MYT1L: variants seen among roughly 807,000 people sequenced by gnomAD.
MYT1L encodes the protein myelin transcription factor 1 like, also known as myelin transcription factor 1-like protein.
MYT1L carries 12 observed loss-of-function variants against 126.7 expected under a neutral mutation model. The ratio of observed to expected loss-of-function variants is 0.09; its 90% CI spans 0.06 to 0.15. MYT1L has a LOEUF of 0.15. Among genes scored for constraint, MYT1L ranks in the 10% least tolerant of loss-of-function variants. MYT1L has a pLI of 1.00. For missense variants in MYT1L, 979 were observed against 1,585.2 expected (o/e 0.62, Z 6.49); for synonymous variants, 541 against 604.2 (o/e 0.90, Z 1.53).
rs1202079143 is a variant in MYT1L, at chr2:2,330,281, T to C, written c.-521+686A>G. Among the ~76,000 whole-genome samples the C allele has an allele frequency of 3.3e-5, 5 of 152,108 alleles. 1 individual carries two copies. Reference sequence around the variant, plus strand: ...TTGATGGTACAAGAAATTGTCATGGTTAATACTAAATTCAAAATCTGTTCT... The same window carrying C: ...TTGATGGTACAAGAAATTGTCATGGCTAATACTAAATTCAAAATCTGTTCT... On this transcript the variant is annotated intron_variant, in intron 1 of 24. Transcript: ENST00000647738.
At chr2:1,844,368 T>C (rs1207906950) in intron 19 of MYT1L, among the ~76,000 whole-genome samples, 1 of 152,154 alleles carries the variant, frequency 6.6e-6, no homozygotes, top group Non-Finnish European at 1.5e-5. Flanking sequence ...ACCCACCAAC[T>C]AAGCACTAGA....
intron 18 of MYT1L, among the ~76,000 whole-genome samples, chr2:1,854,577 C>G (rs2043674315): frequency 6.6e-6 from 1 of 152,158 alleles, no homozygotes; most frequent in African/African-American, 2.4e-5. Flanking sequence ...CCTTTTTCAT[C>G]ATGAAAACAA....
intron 3 of MYT1L, among the ~76,000 whole-genome samples, chr2:2,089,985 C>T (rs2076746724): frequency 6.6e-6 from 1 of 152,208 alleles, no homozygotes; most frequent in African/African-American, 2.4e-5. Flanking sequence ...TTAAATGAGA[C>T]AGGTGGGATA....
intron 2 of MYT1L, among the ~76,000 whole-genome samples, chr2:2,185,200 A>C (rs561728489): frequency 6.6e-6 from 1 of 152,224 alleles, no homozygotes; most frequent in Non-Finnish European, 1.5e-5. Context: ...CCTAGACTTA[A>C]AAATAATAAT....
intron 2 of MYT1L, among the ~76,000 whole-genome samples, chr2:2,213,360 C>T (rs58275964): frequency 0.13 from 20,372 of 152,096 alleles, 1,387 homozygotes; most frequent in Non-Finnish European, 0.15. Context: ...TAGCTAGAGG[C>T]TTCAGGACAG....
intron 18 of MYT1L, among the ~76,000 whole-genome samples, chr2:1,871,141 G>T (rs922158507): frequency 6.6e-6 from 1 of 152,360 alleles, no homozygotes; most frequent in Non-Finnish European, 1.5e-5. Context: ...CTGGTTTCCA[G>T]AGTCTGCTAA....
intron 2 of MYT1L, among the ~76,000 whole-genome samples, chr2:2,263,727 C>T (rs536302365): frequency 6.6e-6 from 1 of 152,256 alleles, no homozygotes; most frequent in South Asian, 2.1e-4. Context: ...CACGACTAGA[C>T]CTTTCAGGAT....
intron 8 of MYT1L, among the ~76,000 whole-genome samples, chr2:1,962,733 G>C (rs1462537234): frequency 6.6e-6 from 1 of 152,178 alleles, no homozygotes; most frequent in Admixed American, 6.5e-5. Context: ...AATGTTCACA[G>C]CATCTTCACC....
Position 1,979,547 on chromosome 2 carries a change from C to G in MYT1L, c.63G>C (p.Val21=). 7 of 1,613,684 alleles carry G rather than the reference C, an allele frequency of 4.3e-6. No homozygotes were observed. Among genetic ancestry groups the G allele is most frequent in the Non-Finnish European group, 5.9e-6 (7 of 1,179,672 alleles). Reference sequence around the variant, plus strand: ...TGAACAGCTCTTGTATGGCTGGTTCCACGGGAACTGCAGAGAGATGGAAAT... The same window carrying G: ...TGAACAGCTCTTGTATGGCTGGTTCGACGGGAACTGCAGAGAGATGGAAAT... ...RTRSKGVRVP[V]EPAIQELFSC... The change falls in exon 7 of 25, where the codon GTG becomes GTC. Residue 21 remains valine, a synonymous_variant. Transcript: ENST00000647738. This position sits in a 1 kb window ranked among gnomAD's most constrained non-coding sequence, Gnocchi z 4.0.
intron 2 of MYT1L, among the ~76,000 whole-genome samples, chr2:2,236,808 C>G (rs1160199372): frequency 1.5e-4 from 1 of 6,576 alleles, no homozygotes. Context: ...TCTTCTTCTT[C>G]TTCTTCTTTT....
chr2:2,275,221 T>A (rs1159822572), intron 2 of MYT1L, among the ~76,000 whole-genome samples: 1 of 151,612 alleles, frequency 6.6e-6, no homozygotes, highest in African/African-American at 2.4e-5. Context: ...TGTGTGTGTG[T>A]GTGTGTGTGT....
intron 2 of MYT1L, among the ~76,000 whole-genome samples, chr2:2,231,964 C>T (rs572388106): frequency 6.6e-6 from 1 of 152,290 alleles, no homozygotes; most frequent in South Asian, 2.1e-4. Context: ...CAGAGAGATG[C>T]ACAAGTTCTG....
At chr2:2,134,038 G>A (rs2082718440) in intron 3 of MYT1L, among the ~76,000 whole-genome samples, 1 of 152,176 alleles carries the variant, frequency 6.6e-6, no homozygotes, top group African/African-American at 2.4e-5. Context: ...CCAAACAGCT[G>A]AAAGTCTCCT....
At chr2:2,251,892 A>AAAAGAAAGAAAGAAAAGAAAAAG (rs1475154359) in intron 2 of MYT1L, among the ~76,000 whole-genome samples, 10 of 151,934 alleles carry the variant, frequency 6.6e-5, no homozygotes, top group Non-Finnish European at 1.2e-4. Flanking sequence ...AAGAAGAACG[A>AAAAGAAAGAAAGAAAAGAAAAAG]AAAGAAAGAA....
At chr2:1,857,289 T>G (rs1247052155) in intron 18 of MYT1L, among the ~76,000 whole-genome samples, 1 of 152,174 alleles carries the variant, frequency 6.6e-6, no homozygotes, top group Admixed American at 6.5e-5. Flanking sequence ...GTTAACTACT[T>G]ATTTATTTTT....
chr2:1,867,014 G>A (rs1414153669), intron 18 of MYT1L, among the ~76,000 whole-genome samples: 3 of 143,300 alleles, frequency 2.1e-5, no homozygotes, highest in Admixed American at 2.1e-4. Flanking sequence ...CAGCTAGAGA[G>A]GGATGGGGGA....
chr2:1,839,109 G>A (rs762500228), intron 21 of MYT1L, 40 bp downstream of exon 21: 18 of 1,549,842 alleles, frequency 1.2e-5, no homozygotes, highest in Non-Finnish European at 1.6e-5. Context: ...GCTCTCGGCG[G>A]CACCATCCCA....
intron 4 of MYT1L, among the ~76,000 whole-genome samples, chr2:2,036,708 G>C (rs780711841): frequency 6.6e-6 from 1 of 152,052 alleles, no homozygotes; most frequent in Non-Finnish European, 1.5e-5. Context: ...CTACATCATC[G>C]CTCACCTGAC....
At chr2:2,037,952 G>A (rs2067073220) in intron 4 of MYT1L, among the ~76,000 whole-genome samples, 1 of 152,114 alleles carries the variant, frequency 6.6e-6, no homozygotes, top group South Asian at 2.1e-4. Context: ...CACCGACTCT[G>A]CACAGCCTGG....
Sources: gnomAD v4.1 joint callset for allele counts (sites outside exome capture counted in the v4.1 genomes callset) on GRCh38, gnomAD v4.1.1 for gene constraint, Gnocchi (gnomAD v3.1) non-coding constraint, MANE v1.5 for transcripts, NCBI Gene and HGNC (gene_info 2026-07-23, HGNC 2026-07-21) for gene names.